The following NAALADL2 variants were observed in gnomAD, a reference collection of about 807,000 sequenced individuals.
The protein encoded by NAALADL2 is inactive N-acetylated-alpha-linked acidic dipeptidase-like protein 2.
Under a neutral mutation model 87.2 loss-of-function variants are expected in NAALADL2, and 76 were observed. The ratio of observed to expected loss-of-function variants is 0.87; its 90% confidence interval spans 0.72 to 1.05. The LOEUF (loss-of-function observed/expected upper bound fraction) is 1.05, where lower values mean the gene tolerates loss of function less well. Ranked by LOEUF, NAALADL2 falls within the 50% of genes least tolerant of loss-of-function variation. The pLI, the probability that NAALADL2 is intolerant of heterozygous loss-of-function variation, is 0.00. For synonymous variants in NAALADL2, 354 were observed against 331.0 expected (o/e 1.07, Z -0.75); for missense variants, 1,089 against 945.8 (o/e 1.15, Z -1.99).
intron 4 of NAALADL2, among the ~76,000 whole-genome samples, chr3:175,302,127 T>C (rs1033437899): frequency 3.3e-5 from 5 of 152,212 alleles, no homozygotes; most frequent in Admixed American, 6.5e-5. Context: ...TACTCTGAGT[T>C]ATCCGATCTA....
At chr3:174,864,441 CCTGGAGTTTGTTT>C (rs1560298984) in intron 1 of NAALADL2, among the ~76,000 whole-genome samples, 1 of 151,918 alleles carries the variant, frequency 6.6e-6, no homozygotes. Flanking sequence ...GGAGTTTGTT[CCTGGAGTTTGTTT>C]AATCCCCTTT....
intron 1 of NAALADL2, among the ~76,000 whole-genome samples, chr3:175,006,569 T>G (rs1168125624): frequency 6.7e-6 from 1 of 149,130 alleles, no homozygotes; most frequent in African/African-American, 2.4e-5. Context: ...GGTGCAAGTA[T>G]TTTTTTTTCT....
intron 1 of NAALADL2, among the ~76,000 whole-genome samples, chr3:174,994,780 T>C (rs916884129): frequency 2.0e-5 from 3 of 152,174 alleles, no homozygotes; most frequent in Admixed American, 1.3e-4. Flanking sequence ...AAATTTTTAA[T>C]TTAGAGGTAG....
intron 9 of NAALADL2, among the ~76,000 whole-genome samples, chr3:175,481,454 A>G (rs1333343827): frequency 6.6e-6 from 1 of 151,616 alleles, no homozygotes; most frequent in Non-Finnish European, 1.5e-5. Context: ...TGACTCTAGG[A>G]CCACAGCACC....
At chr3:175,010,262 TAAC>T (rs1749602062) in intron 1 of NAALADL2, among the ~76,000 whole-genome samples, 1 of 152,150 alleles carries the variant, frequency 6.6e-6, no homozygotes, top group Non-Finnish European at 1.5e-5. Flanking sequence ...AAAATTTAAA[TAAC>T]AGCCATATGG....
intron 2 of NAALADL2, among the ~76,000 whole-genome samples, chr3:174,700,960 A>T (rs1054270647): frequency 1.3e-5 from 2 of 152,136 alleles, no homozygotes; most frequent in Non-Finnish European, 2.9e-5. Flanking sequence ...GAACAAAAGA[A>T]TGCCAATCTG....
chr3:174,726,899 T>A (rs1450005053), intron 2 of NAALADL2, among the ~76,000 whole-genome samples: 1 of 152,166 alleles, frequency 6.6e-6, no homozygotes, highest in Non-Finnish European at 1.5e-5. Flanking sequence ...AAGTCCGTTT[T>A]ATCTCCATGC....
At chr3:175,361,689 C>G (rs1364781596) in intron 5 of NAALADL2, among the ~76,000 whole-genome samples, 1 of 148,070 alleles carries the variant, frequency 6.8e-6, no homozygotes, top group Admixed American at 6.9e-5. Context: ...CTGTTCATAT[C>G]CTTCGCCCAC....
At chr3:175,403,023 G>A (rs1711611750) in intron 5 of NAALADL2, among the ~76,000 whole-genome samples, 1 of 152,116 alleles carries the variant, frequency 6.6e-6, no homozygotes, top group Non-Finnish European at 1.5e-5. Context: ...TACCGCGCAT[G>A]CCAGTTTCTG....
At chr3:175,166,663 G>C (rs991464368) in intron 2 of NAALADL2, among the ~76,000 whole-genome samples, 4 of 151,876 alleles carry the variant, frequency 2.6e-5, no homozygotes, top group African/African-American at 9.7e-5. Flanking sequence ...TCTCTCCCTA[G>C]ATGATTTCAT....
At chr3:175,508,663 C>G in intron 9 of NAALADL2, among the ~76,000 whole-genome samples, 1 of 152,120 alleles carries the variant, frequency 6.6e-6, no homozygotes. Context: ...TTCAGAATGC[C>G]TCTAAATACA....
intron 5 of NAALADL2, among the ~76,000 whole-genome samples, chr3:175,442,589 A>G (rs540929324): frequency 6.6e-6 from 1 of 152,274 alleles, no homozygotes; most frequent in East Asian, 1.9e-4. Context: ...TATTTGTAAC[A>G]TTTCAAACAG....
chr3:175,541,994 AG>A (rs1466458611), intron 9 of NAALADL2, among the ~76,000 whole-genome samples: 1 of 152,134 alleles, frequency 6.6e-6, no homozygotes, highest in East Asian at 1.9e-4. Flanking sequence ...GTTAATTGTA[AG>A]TGTGAGCCAC....
intron 1 of NAALADL2, among the ~76,000 whole-genome samples, chr3:174,515,602 G>A (rs1719894013): frequency 6.6e-6 from 1 of 151,582 alleles, no homozygotes; most frequent in Non-Finnish European, 1.5e-5. Context: ...TATTATAGAT[G>A]TGTGATCAAG....
In NAALADL2 at chr3:175,224,745, C is replaced by A. The variant is rs561397124; in HGVS notation, c.546-9186C>A. ...CTAGCAAGAAACCTCTTTTTTCTTTCTTCATGTATACAATAGAGATGAAGC... is the reference window on the plus strand; with the variant it reads ...CTAGCAAGAAACCTCTTTTTTCTTTATTCATGTATACAATAGAGATGAAGC... On this transcript the variant is annotated intron_variant, in intron 2 of 13. Coordinates refer to ENST00000454872, the MANE Select transcript of NAALADL2 (RefSeq NM_207015.3). Among the ~76,000 whole-genome samples the A allele has an allele frequency of 5.3e-5, 8 of 152,150 alleles. No individual in the cohort carries two copies. In the South Asian group the frequency reaches 1.7e-3, roughly 32 times the overall value.
At chr3:174,675,428 A>G (rs960655639) in intron 2 of NAALADL2, among the ~76,000 whole-genome samples, 8 of 152,054 alleles carry the variant, frequency 5.3e-5, no homozygotes, top group African/African-American at 1.9e-4. Flanking sequence ...TCATTTTCAT[A>G]AAGTGAAGTG....
chr3:174,874,538 G>C (rs150942128), intron 1 of NAALADL2, among the ~76,000 whole-genome samples: 1 of 152,048 alleles, frequency 6.6e-6, no homozygotes, highest in Non-Finnish European at 1.5e-5. Flanking sequence ...GACATGTCAT[G>C]GCAAGTATTG....
At chr3:175,085,311 G>T (rs559474881) in intron 1 of NAALADL2, among the ~76,000 whole-genome samples, 4 of 152,220 alleles carry the variant, frequency 2.6e-5, no homozygotes, top group African/African-American at 9.6e-5. Flanking sequence ...ATAATTGTGT[G>T]CTGTTTTTCC....
At chr3:175,302,549 G>C (rs1413179668) in intron 4 of NAALADL2, among the ~76,000 whole-genome samples, 4 of 152,040 alleles carry the variant, frequency 2.6e-5, no homozygotes, top group Non-Finnish European at 5.9e-5. Context: ...AGGCTAAATT[G>C]ATAGAACAGA....
Sources: gnomAD v4.1 joint callset for allele counts (sites outside exome capture counted in the v4.1 genomes callset) on GRCh38, gnomAD v4.1.1 for gene constraint, MANE v1.5 for transcripts, NCBI Gene and HGNC (gene_info 2026-07-23, HGNC 2026-07-21) for gene names.